Variants in PTPRD observed in about 807,000 individuals in gnomAD.
PTPRD encodes the protein protein tyrosine phosphatase receptor type D.
Under a neutral mutation model 214.5 loss-of-function variants are expected in PTPRD, and 34 were observed. The ratio of observed to expected loss-of-function variants is 0.16; its 90% CI spans 0.12 to 0.21. The LOEUF (loss-of-function observed/expected upper bound fraction) is 0.21, where lower values mean the gene tolerates loss of function less well. PTPRD is among the 10% of genes least tolerant of loss of function. The pLI, the probability that PTPRD is intolerant of heterozygous loss-of-function variation, is 1.00. For missense variants in PTPRD, 2,545 were observed against 2,398.7 expected (o/e 1.06, Z -1.27); for synonymous variants, 1,128 against 845.7 (o/e 1.33, Z -5.79).
intron 9 of PTPRD, among the ~76,000 whole-genome samples, chr9:9,228,386 C>T (rs1569564798): frequency 1.3e-5 from 2 of 152,014 alleles, no homozygotes; most frequent in Non-Finnish European, 2.9e-5. Flanking sequence ...ATTGCAAATA[C>T]ACATATGTGC....
chr9:9,583,294 T>C (rs542336339), intron 7 of PTPRD, among the ~76,000 whole-genome samples: 13 of 151,988 alleles, frequency 8.6e-5, no homozygotes, highest in Non-Finnish European at 1.6e-4. Context: ...AATTTATACA[T>C]CCTTATGTTT....
chr9:8,348,999 T>A (rs1195874049), intron 39 of PTPRD, among the ~76,000 whole-genome samples: 2 of 152,182 alleles, frequency 1.3e-5, no homozygotes, highest in South Asian at 2.1e-4. Flanking sequence ...GTTTGGCAAT[T>A]TCCATGCCAG....
chr9:8,995,595 G>C (rs974329124), intron 11 of PTPRD, among the ~76,000 whole-genome samples: 3 of 151,972 alleles, frequency 2.0e-5, no homozygotes, highest in Non-Finnish European at 4.4e-5. Flanking sequence ...CATTATTCAA[G>C]AGACCATTTC....
At chr9:10,533,925 A>C (rs1207768766) in intron 2 of PTPRD, among the ~76,000 whole-genome samples, 1 of 151,512 alleles carries the variant, frequency 6.6e-6, no homozygotes, top group Admixed American at 6.6e-5. Flanking sequence ...TTTTTAATTA[A>C]AATTGCTCAG....
rs550450116 is a variant in PTPRD at position 9,276,224 on chromosome 9, T to C, written c.-202-92861A>G. On this transcript the variant is annotated intron_variant, in intron 9 of 45. Coordinates refer to ENST00000381196, the MANE Select transcript of PTPRD (RefSeq NM_002839.4). ...TGATGAAGACTCACATCAGTCATTTTCAGATTAAAGCCCCTAGTGTGCTGA... is the reference window on the plus strand; with the variant it reads ...TGATGAAGACTCACATCAGTCATTTCCAGATTAAAGCCCCTAGTGTGCTGA... Among the ~76,000 whole-genome samples, 19 of 151,496 alleles carry C rather than the reference T, an allele frequency of 1.3e-4. 1 individual carries two copies. The South Asian group carries it at 3.9e-3, about 31-fold the overall frequency.
intron 7 of PTPRD, among the ~76,000 whole-genome samples, chr9:9,726,121 T>C (rs1250869536): frequency 2.0e-5 from 3 of 152,196 alleles, no homozygotes; most frequent in Non-Finnish European, 4.4e-5. Context: ...AAACAGAACA[T>C]TGACATTGCT....
At chr9:9,108,284 T>A (rs1432807407) in intron 10 of PTPRD, among the ~76,000 whole-genome samples, 1 of 152,170 alleles carries the variant, frequency 6.6e-6, no homozygotes, top group Non-Finnish European at 1.5e-5. Flanking sequence ...TAAATGTAGC[T>A]ATAATCTGTT....
At chr9:8,668,172 T>C (rs1188540232) in intron 12 of PTPRD, among the ~76,000 whole-genome samples, 1 of 152,190 alleles carries the variant, frequency 6.6e-6, no homozygotes, top group African/African-American at 2.4e-5. Flanking sequence ...TTACTCAATG[T>C]AAGCAACACC....
intron 39 of PTPRD, among the ~76,000 whole-genome samples, chr9:8,349,971 G>A (rs976238333): frequency 4.7e-5 from 7 of 148,754 alleles, no homozygotes; most frequent in South Asian, 2.1e-4. Context: ...AGTGATAGAC[G>A]TTCCAGTGTT....
At chr9:8,852,613 T>A (rs1048339492) in intron 11 of PTPRD, among the ~76,000 whole-genome samples, 4 of 152,222 alleles carry the variant, frequency 2.6e-5, no homozygotes, top group Non-Finnish European at 4.4e-5. Context: ...ACTTGCCTGC[T>A]GGTATACATG....
chr9:9,095,292 A>G (rs2099781898), intron 10 of PTPRD, among the ~76,000 whole-genome samples: 1 of 152,160 alleles, frequency 6.6e-6, no homozygotes, highest in Admixed American at 6.5e-5. Context: ...AGGCATATAA[A>G]TAGAAAGAAA....
chr9:10,434,219 T>C lies in PTPRD; in HGVS notation c.-599-93202A>G, dbSNP rs563831610. Among the ~76,000 whole-genome samples the C allele has an allele frequency of 3.3e-5, 5 of 151,972 alleles. No homozygotes were observed. In the East Asian group the frequency reaches 9.7e-4, roughly 30 times the overall value. On this transcript the variant is annotated intron_variant, in intron 2 of 45. Coordinates refer to ENST00000381196, the MANE Select transcript of PTPRD (RefSeq NM_002839.4). Reference sequence around the variant, plus strand: ...AAAATATGTTTAAATAAACTCCATATGCATCACTCAGTCTCCCATATAAAG... The same window carrying C: ...AAAATATGTTTAAATAAACTCCATACGCATCACTCAGTCTCCCATATAAAG...
At chr9:9,043,899 G>A (rs1241437674) in intron 10 of PTPRD, among the ~76,000 whole-genome samples, 1 of 140,978 alleles carries the variant, frequency 7.1e-6, no homozygotes, top group African/African-American at 2.7e-5. Flanking sequence ...GTGAGACCCT[G>A]TCTCAAAAAT....
chr9:9,441,159 A>C (rs576852705), intron 8 of PTPRD, among the ~76,000 whole-genome samples: 1 of 152,162 alleles, frequency 6.6e-6, no homozygotes, highest in Non-Finnish European at 1.5e-5. Context: ...AAGTGATACC[A>C]AAGATGCTAT....
chr9:8,513,259 A>T (rs2138029210), intron 21 of PTPRD, among the ~76,000 whole-genome samples: 1 of 152,164 alleles, frequency 6.6e-6, no homozygotes. Flanking sequence ...ATCAAGGAGA[A>T]AAACTCTCTG....
intron 8 of PTPRD, among the ~76,000 whole-genome samples, chr9:9,414,564 G>A (rs1028289925): frequency 6.6e-6 from 1 of 152,142 alleles, no homozygotes; most frequent in African/African-American, 2.4e-5. Context: ...AACATGGTGA[G>A]TGTTGGTTTT....
chr9:8,786,402 CTTTTT>C (rs36018689), intron 11 of PTPRD, among the ~76,000 whole-genome samples: 1 of 66,996 alleles, frequency 1.5e-5, no homozygotes, highest in Non-Finnish European at 2.7e-5. Flanking sequence ...GTTTGGAGTT[CTTTTT>C]TTTTTTTTTT....
intron 7 of PTPRD, among the ~76,000 whole-genome samples, chr9:9,652,381 T>G (rs548439921): frequency 6.8e-4 from 103 of 152,316 alleles, no homozygotes; most frequent in African/African-American, 2.4e-3. Flanking sequence ...TATGTGTCCT[T>G]TTAGTTTTTA....
chr9:9,425,188 C>T (rs2080341785), intron 8 of PTPRD, among the ~76,000 whole-genome samples: 1 of 151,820 alleles, frequency 6.6e-6, no homozygotes, highest in Admixed American at 6.6e-5. Flanking sequence ...CCAGTACATC[C>T]ATTTTATTGT....
Sources: allele counts gnomAD v4.1 joint callset (sites outside exome capture counted in the v4.1 genomes callset), GRCh38; gene constraint gnomAD v4.1.1; transcripts MANE v1.5; gene names NCBI Gene and HGNC (gene_info 2026-07-23, HGNC 2026-07-21).